Variants in ZSCAN32 observed in about 807,000 individuals in gnomAD.
ZSCAN32 encodes the protein zinc finger and SCAN domain containing 32, also known as zinc finger and SCAN domain-containing protein 32.
A neutral mutation model predicts 47.4 loss-of-function variants in ZSCAN32; 52 were observed. That is an observed-to-expected ratio of 1.10 (90% CI 0.88 to 1.38). The LOEUF (loss-of-function observed/expected upper bound fraction) is 1.38. ZSCAN32 is among the 40% of genes most tolerant of loss of function. The pLI is 0.00. For synonymous variants in ZSCAN32, 346 were observed against 305.7 expected, an observed-to-expected ratio of 1.13 and a Z score of -1.38; for missense variants, 959 against 846.0, an observed-to-expected ratio of 1.13 and a Z score of -1.66.
intron 3 of ZSCAN32, among the ~76,000 whole-genome samples, chr16:3,391,499 G>A (rs2032693162): frequency 6.6e-6 from 1 of 151,038 alleles, no homozygotes; most frequent in East Asian, 2.0e-4. Flanking sequence ...CCAACATGGC[G>A]AAACCCTGTC....
chr16:3,388,335 C>T (rs1341305044), intron 5 of ZSCAN32, among the ~76,000 whole-genome samples: 2 of 152,216 alleles, frequency 1.3e-5, no homozygotes, highest in Non-Finnish European at 2.9e-5. Flanking sequence ...CATCCCTCCT[C>T]CTTCAGCAAG....
At chr16:3,392,224 G>T (rs2032790990) in intron 3 of ZSCAN32, among the ~76,000 whole-genome samples, 1 of 152,182 alleles carries the variant, frequency 6.6e-6, no homozygotes, top group African/African-American at 2.4e-5. Flanking sequence ...ACTGTTTAAT[G>T]GGTACAGGGT....
Position 3,383,348 on chromosome 16 carries a change from C to G in ZSCAN32, c.1598G>C (p.Ser533Thr). 2 of 1,614,168 alleles carry G rather than the reference C, an allele frequency of 1.2e-6. No homozygotes were observed. The highest frequency in any genetic ancestry group is 1.1e-5 in the South Asian group (1 of 91,082). Reference protein sequence around the residue: ...CPECGKTFSRSSYLVRHQRIH... With the variant: ...CPECGKTFSRTSYLVRHQRIH... ...TCTTTGATGCCGAACAAGATAAGAA[C>G]TTCGGCTAAAGGTTTTCCCACATTC... is the stretch of plus-strand genomic sequence containing the variant. The change falls in exon 7 of 7, where the codon AGT becomes ACT. Residue 533 changes from serine (S) to threonine (T), a missense_variant. Physicochemically the swap from Ser to Thr is moderately conservative, Grantham distance 58. Coordinates refer to ENST00000396852, the MANE Select transcript of ZSCAN32 (RefSeq NM_001284527.2).
chr16:3,394,044 C>T (rs1312654038), intron 2 of ZSCAN32, among the ~76,000 whole-genome samples: 1 of 152,034 alleles, frequency 6.6e-6, no homozygotes, highest in Admixed American at 6.6e-5. Flanking sequence ...AGGTGGATCA[C>T]GTGAGGTCAG....
intron 1 of ZSCAN32, 80 bp from the exon 2 acceptor site, chr16:3,397,824 TTCC>T: frequency 1.4e-4 from 43 of 304,464 alleles, no homozygotes; most frequent in South Asian, 9.4e-4. Flanking sequence ...TCCTATCCCT[TTCC>T]TTTACTCCCT....
chr16:3,388,265 A>G (rs2032245540), intron 5 of ZSCAN32, among the ~76,000 whole-genome samples: 1 of 152,180 alleles, frequency 6.6e-6, no homozygotes, highest in South Asian at 2.1e-4. Flanking sequence ...ACCTCGCTCC[A>G]GCCCAAGTCA....
intron 6 of ZSCAN32, chr16:3,384,034 C>G: frequency 2.3e-6 from 1 of 430,644 alleles, no homozygotes; most frequent in Non-Finnish European, 4.1e-6. Context: ...CTTGAATGTT[C>G]TAACTTCTAG....
In ZSCAN32 at chr16:3,397,531, C is replaced by T; in HGVS notation, c.27G>A (p.Glu9=). 1 of 1,547,322 alleles carries T rather than the reference C, an allele frequency of 6.5e-7. No individual in the cohort carries two copies. Among genetic ancestry groups the T allele is most frequent in the Non-Finnish European group, 8.7e-7 (1 of 1,144,804 alleles). ...GATCCTTGTTTGAGGATGGGTGTGC[C>T]TCGGTACTCTTCACTGCAGCCATCA... MMAAVKST[E]AHPSSNKDPT... Residue 9 remains glutamate, a synonymous_variant, in exon 2 of 7, where the codon GAG becomes GAA. Transcript: ENST00000396852.
intron 3 of ZSCAN32, among the ~76,000 whole-genome samples, chr16:3,392,011 T>C (rs2032760824): frequency 6.6e-6 from 1 of 152,220 alleles, no homozygotes; most frequent in Non-Finnish European, 1.5e-5. Context: ...CAAATTACTT[T>C]ATGGAAAAAG....
At chr16:3,389,704 C>T (rs766903218) in intron 5 of ZSCAN32, among the ~76,000 whole-genome samples, 1 of 152,198 alleles carries the variant, frequency 6.6e-6, no homozygotes, top group Non-Finnish European at 1.5e-5. Flanking sequence ...CATCTGTGCT[C>T]CTGGTGGCCA....
At chr16:3,389,984 G>C in intron 5 of ZSCAN32, 26 bp downstream of exon 5, 3 of 1,589,646 alleles carry the variant, frequency 1.9e-6, no homozygotes, top group Non-Finnish European at 2.6e-6. Flanking sequence ...CATCCACCTT[G>C]ACCTGGAGGG....
rs1358140148 is a variant in ZSCAN32, at chr16:3,382,818, C to G, written c.*34G>C. ...CAGAAGAAAGCTCATACATGCTGAC[C>G]TGAGGAACTTAATCTGACAGTTTAC... On this transcript the variant is annotated 3_prime_UTR_variant, in exon 7 of 7. Coordinates refer to ENST00000396852, the MANE Select transcript of ZSCAN32 (RefSeq NM_001284527.2). 4 of 1,532,330 alleles carry G rather than the reference C, an allele frequency of 2.6e-6. No individual in the cohort carries two copies. Among genetic ancestry groups the G allele is most frequent in the Non-Finnish European group, 3.5e-6 (4 of 1,138,728 alleles). 94.9% of individuals were successfully genotyped at this position (1,532,330 alleles called of 1,614,324 possible).
At chr16:3,393,904 A>G (rs2033113916) in intron 2 of ZSCAN32, 90 bp from the exon 3 acceptor site, 12 of 1,205,046 alleles carry the variant, frequency 1.0e-5, no homozygotes, top group Non-Finnish European at 1.3e-5. Flanking sequence ...AATGTGTAAC[A>G]TAAGGAAGCA....
intron 2 of ZSCAN32, among the ~76,000 whole-genome samples, chr16:3,396,510 C>T (rs927962039): frequency 5.3e-5 from 8 of 152,178 alleles, no homozygotes; most frequent in Non-Finnish European, 7.3e-5. Context: ...GGCTGACCAA[C>T]GTTCCTCTGA....
chr16:3,385,802 A>G (rs62031780), intron 5 of ZSCAN32, among the ~76,000 whole-genome samples: 1 of 152,266 alleles, frequency 6.6e-6, no homozygotes, highest in Non-Finnish European at 1.5e-5. Context: ...TTCAAGAAGG[A>G]TTAAAGACTT....
chr16:3,398,422 C>T (rs2033577704), intron 1 of ZSCAN32, among the ~76,000 whole-genome samples: 1 of 152,182 alleles, frequency 6.6e-6, no homozygotes, highest in Non-Finnish European at 1.5e-5. Context: ...TGCCAAAGCC[C>T]TAGCCTCTGA....
intron 5 of ZSCAN32, 88 bp downstream of exon 5, chr16:3,389,922 C>T: frequency 7.4e-7 from 1 of 1,357,740 alleles, no homozygotes; most frequent in Non-Finnish European, 1.0e-6. Context: ...CTCCCCACTC[C>T]CTCTGTCTCC....
chr16:3,397,747 G>T lies in ZSCAN32; in HGVS notation c.-187-3C>A. On this transcript the variant is annotated splice_polypyrimidine_tract_variant and splice_region_variant and intron_variant, in intron 1 of 6. Transcript: ENST00000396852. ...AAGGGCTCAACTTTGAAGGATGTCT[G>T]AAGAGGATGGAAAAAGACAATATAA... 1.6e-6 allele frequency: 1 copy of T among 636,652 alleles called. No homozygotes were observed. Among genetic ancestry groups the T allele is most frequent in the African/African-American group, 1.8e-5 (1 of 54,552 alleles). The allele number at this position is 636,652 out of a possible 1,614,324, so 39.4% of individuals were successfully genotyped here.
intron 5 of ZSCAN32, among the ~76,000 whole-genome samples, chr16:3,386,502 TGCG>T (rs949470384): frequency 2.6e-5 from 4 of 152,200 alleles, no homozygotes; most frequent in African/African-American, 9.7e-5. Context: ...GTATGTTTAT[TGCG>T]GCACTATTCA....
Sources: gnomAD v4.1 joint callset for allele counts (sites outside exome capture counted in the v4.1 genomes callset) on GRCh38, gnomAD v4.1.1 for gene constraint, MANE v1.5 for transcripts, NCBI Gene and HGNC (gene_info 2026-07-23, HGNC 2026-07-21) for gene names.